ARHGAP35: variants seen among roughly 807,000 people sequenced by gnomAD.
The protein encoded by ARHGAP35 is rho GTPase-activating protein 35.
Under a neutral mutation model 111.1 loss-of-function variants are expected in ARHGAP35, and 15 were observed. The observed-to-expected ratio is 0.13, with a 90% CI of 0.09 to 0.21. The LOEUF is 0.21. ARHGAP35 is among the 10% of genes least tolerant of loss of function. ARHGAP35 has a pLI of 1.00. For synonymous variants in ARHGAP35, 643 were observed against 710.3 expected (o/e 0.91, Z 1.51); for missense variants, 1,262 against 1,873.0 (o/e 0.67, Z 6.02).
At chr19:46,931,732 C>T (rs2056274054) in intron 2 of ARHGAP35, among the ~76,000 whole-genome samples, 1 of 152,130 alleles carries the variant, frequency 6.6e-6, no homozygotes, top group Non-Finnish European at 1.5e-5. Flanking sequence ...TTGTGTATGG[C>T]AGTGGCATTT....
chr19:46,964,257 T>G (rs2056500742), intron 3 of ARHGAP35, among the ~76,000 whole-genome samples: 1 of 148,546 alleles, frequency 6.7e-6, no homozygotes, highest in Admixed American at 6.7e-5. Flanking sequence ...AGCAGGTGAC[T>G]TTTTTTTTTC....
intron 3 of ARHGAP35, among the ~76,000 whole-genome samples, chr19:46,975,016 G>A (rs992217434): frequency 6.6e-6 from 1 of 152,060 alleles, no homozygotes; most frequent in Admixed American, 6.6e-5. Context: ...GATTACAGGC[G>A]CATGCCACCA....
intron 5 of ARHGAP35, among the ~76,000 whole-genome samples, chr19:46,997,919 G>A (rs1271982605): frequency 1.3e-5 from 2 of 152,050 alleles, no homozygotes; most frequent in African/African-American, 4.8e-5. Flanking sequence ...TAGCTAACAC[G>A]GTGAAACCCC....
In ARHGAP35 at chr19:46,886,944, A is replaced by G. The variant is rs1427290536; in HGVS notation, c.-189+25735A>G. The stretch of plus-strand genomic sequence containing the variant: ...AAGAGAGAGAGATTAAAAAGGATTT[A>G]CTACTAGCAAAACTGAAAAAGCAGA... On this transcript the variant is annotated intron_variant, in intron 1 of 6. Coordinates refer to ENST00000672722, the MANE Select transcript of ARHGAP35 (RefSeq NM_004491.5). 2.0e-5 allele frequency among the ~76,000 whole-genome samples: 3 copies of G among 152,188 alleles called. 1 individual carries two copies. The highest frequency in any genetic ancestry group is 4.4e-5 in the Non-Finnish European group (3 of 68,030).
chr19:47,005,063 T>C lies in ARHGAP35; in HGVS notation c.*4375T>C, dbSNP rs1042212598. The C allele has an allele frequency of 6.6e-6, 1 of 152,252 alleles. No individual in the cohort carries two copies. Among genetic ancestry groups the C allele is most frequent in the Non-Finnish European group, 1.5e-5 (1 of 68,078 alleles). 9.4% of individuals were successfully genotyped at this position (152,252 alleles called of 1,614,324 possible). A position where few individuals can be genotyped will look rare whatever the true frequency, so the allele number is the denominator to read the frequency against. Reference sequence around the variant, plus strand: ...CTGTATCATAGTTAATAAATGAATCTTGTAAAAAACCAAACCTGAGAGAAG... The same window carrying C: ...CTGTATCATAGTTAATAAATGAATCCTGTAAAAAACCAAACCTGAGAGAAG... On this transcript the variant is annotated 3_prime_UTR_variant, in exon 7 of 7. Transcript: ENST00000672722.
chr19:46,906,009 G>C (rs1442813643), intron 1 of ARHGAP35, among the ~76,000 whole-genome samples: 1 of 151,034 alleles, frequency 6.6e-6, no homozygotes, highest in Non-Finnish European at 1.5e-5. Flanking sequence ...TTTAACGTGG[G>C]ACACCAACAT....
At chr19:46,949,443 G>A (rs1039549721) in intron 3 of ARHGAP35, among the ~76,000 whole-genome samples, 1 of 152,166 alleles carries the variant, frequency 6.6e-6, no homozygotes, top group East Asian at 1.9e-4. Flanking sequence ...ACATTGTGTT[G>A]TGCCTCCTGG....
chr19:46,970,796 A>G (rs965671202), intron 3 of ARHGAP35, among the ~76,000 whole-genome samples: 2 of 152,170 alleles, frequency 1.3e-5, no homozygotes, highest in African/African-American at 4.8e-5. Context: ...GCTGGGAGGT[A>G]GAGTTGTTGG....
At chr19:46,897,598 G>A (rs187575541) in intron 1 of ARHGAP35, among the ~76,000 whole-genome samples, 42 of 151,292 alleles carry the variant, frequency 2.8e-4, no homozygotes, top group African/African-American at 1.0e-3. Flanking sequence ...GGGGATTTGA[G>A]TGTATTCTGG....
In ARHGAP35 at chr19:46,901,639, C is replaced by T. The variant is rs566294654; in HGVS notation, c.-188-16849C>T. Among the ~76,000 whole-genome samples the T allele has an allele frequency of 2.6e-4, 40 of 152,280 alleles. No homozygotes were observed. The highest frequency in any genetic ancestry group is 8.5e-4 in the Admixed American group (13 of 15,302). Reference sequence around the variant, plus strand: ...AGCAAGAGTATACATGTGAAGAACGCGTAAGGCTGTGGGGATCCAGGCGAT... The same window carrying T: ...AGCAAGAGTATACATGTGAAGAACGTGTAAGGCTGTGGGGATCCAGGCGAT... On this transcript the variant is annotated intron_variant, in intron 1 of 6. Transcript: ENST00000672722. This position sits in a 1 kb window ranked among gnomAD's most constrained non-coding sequence, Gnocchi z 4.5.
intron 1 of ARHGAP35, among the ~76,000 whole-genome samples, chr19:46,872,505 CAAG>C (rs1444027222): frequency 6.6e-6 from 1 of 150,808 alleles, no homozygotes; most frequent in East Asian, 1.9e-4. Context: ...AGCTGAAAAG[CAAG>C]AAATTCATGG....
intron 1 of ARHGAP35, among the ~76,000 whole-genome samples, chr19:46,887,057 T>C (rs1451068778): frequency 6.6e-6 from 1 of 152,176 alleles, no homozygotes; most frequent in Non-Finnish European, 1.5e-5. Context: ...CTGGTGTGGG[T>C]GTATGTATGC....
chr19:46,898,322 C>G (rs2122163367), intron 1 of ARHGAP35, among the ~76,000 whole-genome samples: 1 of 150,982 alleles, frequency 6.6e-6, no homozygotes, highest in Non-Finnish European at 1.5e-5. Flanking sequence ...CCCAATTCCA[C>G]AAAAACTCGA....
In ARHGAP35 at chr19:46,884,979, A is replaced by T. The variant is rs561697854; in HGVS notation, c.-189+23770A>T. On this transcript the variant is annotated intron_variant, in intron 1 of 6. Coordinates refer to ENST00000672722, the MANE Select transcript of ARHGAP35 (RefSeq NM_004491.5). ...GTGATCTTCCTGCCTTGACCTCCCAACGTGTTGGGATTATAGGCTTGAGCC... is the reference window on the plus strand; with the variant it reads ...GTGATCTTCCTGCCTTGACCTCCCATCGTGTTGGGATTATAGGCTTGAGCC... Among the ~76,000 whole-genome samples the T allele has an allele frequency of 2.6e-5, 4 of 152,108 alleles. No homozygotes were observed. In the South Asian group the frequency reaches 8.3e-4, roughly 32 times the overall value.
chr19:46,960,926 C>T (rs896300649), intron 3 of ARHGAP35, among the ~76,000 whole-genome samples: 16 of 149,722 alleles, frequency 1.1e-4, no homozygotes, highest in Admixed American at 8.0e-4. Flanking sequence ...CGAAGTCTCA[C>T]TCCTGTCCCC....
chr19:46,917,106 T>C (rs1195613922), intron 1 of ARHGAP35, among the ~76,000 whole-genome samples: 2 of 152,228 alleles, frequency 1.3e-5, no homozygotes, highest in East Asian at 3.8e-4. Context: ...CTTGTAAAAC[T>C]GAAACTCTGT....
chr19:46,903,829 A>T (rs1032736689), intron 1 of ARHGAP35, among the ~76,000 whole-genome samples: 1 of 152,184 alleles, frequency 6.6e-6, no homozygotes, highest in Non-Finnish European at 1.5e-5. Context: ...AGTTCCTTGT[A>T]TGATCACAAA....
In ARHGAP35 at chr19:46,989,821, A is replaced by T; in HGVS notation, c.4036+146A>T. ...CAAGGGAATTAACCAGATGACAGCA[A>T]TGGGACTTGCAAATCGGGCTCCTGC... On this transcript the variant is annotated intron_variant, in intron 5 of 6. Coordinates refer to ENST00000672722, the MANE Select transcript of ARHGAP35 (RefSeq NM_004491.5). The surrounding 1 kb of genome is among the most constrained non-coding windows in gnomAD (Gnocchi z 5.3). The T allele has an allele frequency of 1.5e-6, 2 of 1,357,440 alleles. No homozygotes were observed. The highest frequency in any genetic ancestry group is 2.0e-6 in the Non-Finnish European group (2 of 990,330). The allele number at this position is 1,357,440 out of a possible 1,614,324, so 84.1% of individuals were successfully genotyped here.
chr19:46,905,007 A>G (rs1260456266), intron 1 of ARHGAP35, among the ~76,000 whole-genome samples: 4 of 152,200 alleles, frequency 2.6e-5, no homozygotes, highest in Non-Finnish European at 4.4e-5. Flanking sequence ...GTTCCTGTCT[A>G]TCTAGCTGAG....
Sources: allele counts gnomAD v4.1 joint callset (sites outside exome capture counted in the v4.1 genomes callset), GRCh38; gene constraint gnomAD v4.1.1; non-coding constraint Gnocchi (gnomAD v3.1); transcripts MANE v1.5; gene names NCBI Gene and HGNC (gene_info 2026-07-23, HGNC 2026-07-21).